Variants in AMER2 observed in about 807,000 individuals in gnomAD.
AMER2 encodes APC membrane recruitment protein 2, also known as family with sequence similarity 123A.
A neutral mutation model predicts 4.7 loss-of-function variants in AMER2; 1 was observed. That is an observed-to-expected ratio of 0.21 (90% CI 0.07 to 1.00). The LOEUF (loss-of-function observed/expected upper bound fraction) is 1.00. AMER2 is among the 50% of genes least tolerant of loss of function. The pLI, the probability that AMER2 is intolerant of heterozygous loss-of-function variation, is 0.60. For synonymous variants in AMER2, 485 were observed against 433.3 expected, an observed-to-expected ratio of 1.12 and a Z score of -1.48; for missense variants, 988 against 966.9, an observed-to-expected ratio of 1.02 and a Z score of -0.29.
chr13:25,164,667 C>T lies in AMER2; in HGVS notation c.*4937G>A. The stretch of plus-strand genomic sequence containing the variant: ...TGTCTTACTGGGGAGATAATATTAC[C>T]TACCCCACATGGCTGTTAAGAGGAC... On this transcript the variant is annotated 3_prime_UTR_variant, in exon 1 of 1. Transcript: ENST00000515384. 1 of 146,514 alleles carries T rather than the reference C, an allele frequency of 6.8e-6. No individual in the cohort carries two copies. The highest frequency in any genetic ancestry group is 1.5e-5 in the Non-Finnish European group (1 of 66,424). The allele number at this position is 146,514 out of a possible 1,614,324, so 9.1% of individuals were successfully genotyped here.
Position 25,162,311 on chromosome 13 carries a change from C to T in AMER2, c.*7293G>A, listed in dbSNP as rs1029416618. ...TAACGTGGGCGAAACCTGAAGTTCACAATGAGCCTGCTAGGTAGCTGGTGT... is the reference window on the plus strand; with the variant it reads ...TAACGTGGGCGAAACCTGAAGTTCATAATGAGCCTGCTAGGTAGCTGGTGT... On this transcript the variant is annotated 3_prime_UTR_variant, in exon 1 of 1. Transcript: ENST00000515384. 1 of 152,148 alleles carries T rather than the reference C, an allele frequency of 6.6e-6. No homozygotes were observed. The highest frequency in any genetic ancestry group is 2.4e-5 in the African/African-American group (1 of 41,440). 9.4% of individuals were successfully genotyped at this position (152,148 alleles called of 1,614,324 possible).
rs572754156 is a variant in AMER2 at position 25,167,991 on chromosome 13, C to G, written c.*1613G>C. On this transcript the variant is annotated 3_prime_UTR_variant, in exon 1 of 1. Transcript: ENST00000515384. ...TGTCATTTACATATGTGCAGTTTCA[C>G]GTGAATATGCATAATCTTCCTGGTA... The G allele has an allele frequency of 6.6e-6, 1 of 152,112 alleles. No homozygotes were observed. Among genetic ancestry groups the G allele is most frequent in the African/African-American group, 2.4e-5 (1 of 41,412 alleles). 9.4% of individuals were successfully genotyped at this position (152,112 alleles called of 1,614,324 possible). A position where few individuals can be genotyped will look rare whatever the true frequency, so the allele number is the denominator to read the frequency against.
chr13:25,170,596 C>A lies in AMER2; in HGVS notation c.1024G>T (p.Ala342Ser), dbSNP rs1276899022. 1 of 1,590,174 alleles carries A rather than the reference C, an allele frequency of 6.3e-7. No homozygotes were observed. The highest frequency in any genetic ancestry group is 1.3e-5 in the African/African-American group (1 of 74,566). Reference protein sequence around the residue: ...LVDSEGGSGRAPAAPDPASVD... With the variant: ...LVDSEGGSGRSPAAPDPASVD... Reference sequence around the variant, plus strand: ...GAGGCAGGGTCTGGGGCGGCGGGCGCCCGGCCGCTGCCGCCTTCGGAGTCG... The same window carrying A: ...GAGGCAGGGTCTGGGGCGGCGGGCGACCGGCCGCTGCCGCCTTCGGAGTCG... The change falls in exon 1 of 1, where the codon GCG becomes TCG. Residue 342 changes from alanine (A) to serine (S), a missense_variant. Coordinates refer to ENST00000515384, the MANE Select transcript of AMER2 (RefSeq NM_152704.4). This position sits in a 1 kb window ranked among gnomAD's most constrained non-coding sequence, Gnocchi z 7.3.
In AMER2 at chr13:25,167,284, AAT is replaced by A. The variant is rs2137436564; in HGVS notation, c.*2318_*2319del. 6.6e-6 allele frequency: 1 copy of A among 152,322 alleles called. No homozygotes were observed. The highest frequency in any genetic ancestry group is 2.1e-4 in the South Asian group (1 of 4,826). 9.4% of individuals were successfully genotyped at this position (152,322 alleles called of 1,614,324 possible). A position where few individuals can be genotyped will look rare whatever the true frequency, so the allele number is the denominator to read the frequency against. ...TTTGCCATGGATTCATGCAAAGGAG[AAT>A]ATAACCCTTGCAGGAAAATGTACAA... On this transcript the variant is annotated 3_prime_UTR_variant, in exon 1 of 1. Transcript: ENST00000515384.
At position 25,167,306 on chromosome 13, in the gene AMER2, G is replaced by A. The variant is rs1185565695; in HGVS notation, c.*2298C>T. 1 of 152,140 alleles carries A rather than the reference G, an allele frequency of 6.6e-6. No individual in the cohort carries two copies. The highest frequency in any genetic ancestry group is 2.4e-5 in the African/African-American group (1 of 41,444). 9.4% of individuals were successfully genotyped at this position (152,140 alleles called of 1,614,324 possible). On this transcript the variant is annotated 3_prime_UTR_variant, in exon 1 of 1. Coordinates refer to ENST00000515384, the MANE Select transcript of AMER2 (RefSeq NM_152704.4). ...GAGAATATAACCCTTGCAGGAAAAT[G>A]TACAACAAGGAAATCAAGATCCTTT...
Position 25,171,204 on chromosome 13 carries a change from G to C in AMER2, c.416C>G (p.Pro139Arg). ...SGGGGGGRPN[P>R]GPPRAAGPGG... is the part of the protein sequence containing the mutation. ...GGGCCCTGCGGCTCTGGGGGGCCCC[G>C]GGTTCGGCCGCCCCCCGCCGCCCCC... Residue 139 changes from proline (P) to arginine (R), a missense_variant, in exon 1 of 1, where the codon CCG becomes CGG. Transcript: ENST00000515384. The surrounding 1 kb of genome is among the most constrained non-coding windows in gnomAD (Gnocchi z 5.9). 7.2e-7 allele frequency: 1 copy of C among 1,393,022 alleles called. No homozygotes were observed. Among genetic ancestry groups the C allele is most frequent in the Non-Finnish European group, 9.3e-7 (1 of 1,077,786 alleles). 86.3% of individuals were successfully genotyped at this position (1,393,022 alleles called of 1,614,324 possible).
rs1956475288 is a variant in AMER2, at chr13:25,166,081, C to T, written c.*3523G>A. On this transcript the variant is annotated 3_prime_UTR_variant, in exon 1 of 1. Transcript: ENST00000515384. ...CCTGGATAATTGTGTAAGCAAAGGGCTATTTGCATACTGTTTAACTGCAAA... is the reference window on the plus strand; with the variant it reads ...CCTGGATAATTGTGTAAGCAAAGGGTTATTTGCATACTGTTTAACTGCAAA... The T allele has an allele frequency of 6.6e-6, 1 of 152,234 alleles. No individual in the cohort carries two copies. 9.4% of individuals were successfully genotyped at this position (152,234 alleles called of 1,614,324 possible).
Position 25,171,477 on chromosome 13 carries a change from T to A in AMER2, c.143A>T (p.Asp48Val). The A allele has an allele frequency of 6.2e-7, 1 of 1,609,868 alleles. No individual in the cohort carries two copies. The highest frequency in any genetic ancestry group is 8.5e-7 in the Non-Finnish European group (1 of 1,178,976). The change falls in exon 1 of 1, where the codon GAC (aspartate) becomes GTC (valine). Residue 48 changes from aspartate to valine, a missense_variant. By Grantham distance (152) the Asp-to-Val change is radical. Coordinates refer to ENST00000515384, the MANE Select transcript of AMER2 (RefSeq NM_152704.4). This position sits in a 1 kb window ranked among gnomAD's most constrained non-coding sequence, Gnocchi z 5.9. ...GGCGGCCGGCGTTTCGGCGGCACAG[T>A]CACAATGCAAGTCCATGTCTGCCGC... ...TLAADMDLHC[D>V]CAAETPAAEP...
rs1275297398 is a variant in AMER2, at chr13:25,163,866, G to A, written c.*5738C>T. On this transcript the variant is annotated 3_prime_UTR_variant, in exon 1 of 1. Transcript: ENST00000515384. ...CATTGCCTGTAATCCCAACACTTTG[G>A]AGGTAGAGGTGGGCAGATCATTTGA... The A allele has an allele frequency of 1.3e-5, 2 of 152,232 alleles. No individual in the cohort carries two copies. The highest frequency in any genetic ancestry group is 2.1e-4 in the South Asian group (1 of 4,828). 9.4% of individuals were successfully genotyped at this position (152,232 alleles called of 1,614,324 possible).
chr13:25,170,933 C>T lies in AMER2; in HGVS notation c.687G>A (p.Ser229=). ...APGGGLILPG[S]LTASLECVKE... is the part of the protein sequence containing the mutation. ...TGACGCACTCCAGGCTGGCGGTGAG[C>T]GAGCCGGGTAGGATCAAGCCGCCCC... is the stretch of plus-strand genomic sequence containing the variant. The change falls in exon 1 of 1, where the codon TCG becomes TCA. Residue 229 remains serine, a synonymous_variant. Transcript: ENST00000515384. The surrounding 1 kb of genome is among the most constrained non-coding windows in gnomAD (Gnocchi z 7.3). 1.3e-6 allele frequency: 2 copies of T among 1,491,164 alleles called. No homozygotes were observed. The highest frequency in any genetic ancestry group is 1.8e-6 in the Non-Finnish European group (2 of 1,126,038). 92.4% of individuals were successfully genotyped at this position (1,491,164 alleles called of 1,614,324 possible).
In AMER2 at chr13:25,168,064, C is replaced by T. The variant is rs1434251007; in HGVS notation, c.*1540G>A. The T allele has an allele frequency of 6.6e-6, 1 of 152,172 alleles. No homozygotes were observed. Among genetic ancestry groups the T allele is most frequent in the African/African-American group, 2.4e-5 (1 of 41,450 alleles). 9.4% of individuals were successfully genotyped at this position (152,172 alleles called of 1,614,324 possible). On this transcript the variant is annotated 3_prime_UTR_variant, in exon 1 of 1. Transcript: ENST00000515384. ...AGCTCTGGTCTTTTGATTAAATACA[C>T]TGAAGTGTATTTCAAAAAGGATATT...
rs1956586804 is a variant in AMER2 at position 25,171,724 on chromosome 13, A to G, written c.-105T>C. The G allele has an allele frequency of 3.5e-6, 5 of 1,411,836 alleles. No individual in the cohort carries two copies. The highest frequency in any genetic ancestry group is 3.7e-6 in the Non-Finnish European group (4 of 1,093,618). The allele number at this position is 1,411,836 out of a possible 1,614,324, so 87.5% of individuals were successfully genotyped here. ...GAGCCGCGCTCGCCGCCGCCGCTGC[A>G]AAAGAAACACACATAAAAGACCATC... On this transcript the variant is annotated 5_prime_UTR_variant, in exon 1 of 1. Coordinates refer to ENST00000515384, the MANE Select transcript of AMER2 (RefSeq NM_152704.4). This position sits in a 1 kb window ranked among gnomAD's most constrained non-coding sequence, Gnocchi z 5.9.
rs1956456046 is a variant in AMER2, at chr13:25,164,668, T to C, written c.*4936A>G. 4 of 147,248 alleles carry C rather than the reference T, an allele frequency of 2.7e-5. No homozygotes were observed. In the South Asian group the frequency reaches 9.1e-4, roughly 33 times the overall value. The allele number at this position is 147,248 out of a possible 1,614,324, so 9.1% of individuals were successfully genotyped here. A position where few individuals can be genotyped will look rare whatever the true frequency, so the allele number is the denominator to read the frequency against. ...GTCTTACTGGGGAGATAATATTACC[T>C]ACCCCACATGGCTGTTAAGAGGACT... On this transcript the variant is annotated 3_prime_UTR_variant, in exon 1 of 1. Coordinates refer to ENST00000515384, the MANE Select transcript of AMER2 (RefSeq NM_152704.4).
At position 25,164,127 on chromosome 13, in the gene AMER2, A is replaced by G. The variant is rs1321050030; in HGVS notation, c.*5477T>C. On this transcript the variant is annotated 3_prime_UTR_variant, in exon 1 of 1. Coordinates refer to ENST00000515384, the MANE Select transcript of AMER2 (RefSeq NM_152704.4). The stretch of plus-strand genomic sequence containing the variant: ...CTCAAAAAAAAAAAAAAAAAAAATT[A>G]AAGAGGGTAGATCTCATATTCAATA... 2 of 151,532 alleles carry G rather than the reference A, an allele frequency of 1.3e-5. No individual in the cohort carries two copies. The highest frequency in any genetic ancestry group is 2.4e-5 in the African/African-American group (1 of 41,064). 9.4% of individuals were successfully genotyped at this position (151,532 alleles called of 1,614,324 possible).
In AMER2 at chr13:25,171,956, C is replaced by T. The variant is rs1956591166; in HGVS notation, c.-337G>A. The T allele has an allele frequency of 3.1e-6, 1 of 320,924 alleles. No individual in the cohort carries two copies. Among genetic ancestry groups the T allele is most frequent in the Admixed American group, 5.1e-5 (1 of 19,762 alleles). The allele number at this position is 320,924 out of a possible 1,614,324, so 19.9% of individuals were successfully genotyped here. A position where few individuals can be genotyped will look rare whatever the true frequency, so the allele number is the denominator to read the frequency against. On this transcript the variant is annotated 5_prime_UTR_variant, in exon 1 of 1. It removes an upstream start codon present in the reference 5' UTR. Coordinates refer to ENST00000515384, the MANE Select transcript of AMER2 (RefSeq NM_152704.4). This position sits in a 1 kb window ranked among gnomAD's most constrained non-coding sequence, Gnocchi z 5.9. ...GACTCGCTCTTCACGGGAGCGCAAC[C>T]ATGGATCACGAAATGCCTCTAAAAA... is the stretch of plus-strand genomic sequence containing the variant.
chr13:25,162,797 G>A lies in AMER2; in HGVS notation c.*6807C>T, dbSNP rs766172277. On this transcript the variant is annotated 3_prime_UTR_variant, in exon 1 of 1. Transcript: ENST00000515384. The stretch of plus-strand genomic sequence containing the variant: ...ACATAGAGCAAAAGTTATTCTACTC[G>A]ATTATTGAAGCATTTCCAAAATTAC... The A allele has an allele frequency of 1.3e-5, 2 of 152,044 alleles. No individual in the cohort carries two copies. Among genetic ancestry groups the A allele is most frequent in the Non-Finnish European group, 2.9e-5 (2 of 68,026 alleles). 9.4% of individuals were successfully genotyped at this position (152,044 alleles called of 1,614,324 possible). A position where few individuals can be genotyped will look rare whatever the true frequency, so the allele number is the denominator to read the frequency against.
chr13:25,171,561 C>T lies in AMER2; in HGVS notation c.59G>A (p.Gly20Asp). 1.9e-6 allele frequency: 3 copies of T among 1,560,746 alleles called. No homozygotes were observed. Among genetic ancestry groups the T allele is most frequent in the Non-Finnish European group, 8.6e-7 (1 of 1,163,504 alleles). Reference protein sequence around the residue: ...GGAVSERGGAGASVGVCRRKA... With the variant: ...GGAVSERGGADASVGVCRRKA... ...CCTCCTGCAGACCCCCACGGACGCG[C>T]CAGCTCCGCCGCGCTCGCTGACAGC... Residue 20 changes from glycine (G) to aspartate (D), a missense_variant, in exon 1 of 1, where the codon GGC becomes GAC. Transcript: ENST00000515384. This position sits in a 1 kb window ranked among gnomAD's most constrained non-coding sequence, Gnocchi z 5.9.
Position 25,170,227 on chromosome 13 carries a change from C to T in AMER2, c.1393G>A (p.Glu465Lys), listed in dbSNP as rs1956539250. The T allele has an allele frequency of 6.2e-7, 1 of 1,612,244 alleles. No homozygotes were observed. The highest frequency in any genetic ancestry group is 1.3e-5 in the African/African-American group (1 of 74,896). Residue 465 changes from glutamate to lysine, a missense_variant, in exon 1 of 1, where the codon GAA (glutamate) becomes AAA (lysine). Transcript: ENST00000515384. The surrounding 1 kb of genome is among the most constrained non-coding windows in gnomAD (Gnocchi z 7.3). ...GGGGTCTCGGGCACCACCTTGGTTT[C>T]CAGCGCAGCTGCCACCTTAGCCGCG... ...EGAAKVAAAL[E>K]TKVVPETPKD...
In AMER2 at chr13:25,167,573, A is replaced by C. The variant is rs1956494802; in HGVS notation, c.*2031T>G. The C allele has an allele frequency of 6.6e-6, 1 of 152,226 alleles. No homozygotes were observed. The highest frequency in any genetic ancestry group is 1.5e-5 in the Non-Finnish European group (1 of 68,016). 9.4% of individuals were successfully genotyped at this position (152,226 alleles called of 1,614,324 possible). A position where few individuals can be genotyped will look rare whatever the true frequency, so the allele number is the denominator to read the frequency against. ...TATATGAATTCTTGGTAGTGTGTTC[A>C]GAATGCTTAAGGCTATGACTGCATA... On this transcript the variant is annotated 3_prime_UTR_variant, in exon 1 of 1. Coordinates refer to ENST00000515384, the MANE Select transcript of AMER2 (RefSeq NM_152704.4).
Sources: allele counts gnomAD v4.1 joint callset, GRCh38; gene constraint gnomAD v4.1.1; non-coding constraint Gnocchi (gnomAD v3.1); transcripts MANE v1.5; gene names NCBI Gene and HGNC (gene_info 2026-07-23, HGNC 2026-07-21).